The following MTO1 variants were observed in gnomAD, a reference collection of about 807,000 sequenced individuals.
MTO1 encodes the protein mitochondrial tRNA translation optimization 1.
In MTO1, 46 loss-of-function variants were observed where a neutral mutation model predicts 71.6. The ratio of observed to expected loss-of-function variants is 0.64; its 90% CI spans 0.51 to 0.82. MTO1 has a LOEUF of 0.82. Ranked by LOEUF, MTO1 falls within the 40% of genes least tolerant of loss-of-function variation. The pLI is 0.00. For synonymous variants in MTO1, 297 were observed against 312.1 expected, an observed-to-expected ratio of 0.95 and a Z score of 0.51; for missense variants, 773 against 867.5, an observed-to-expected ratio of 0.89 and a Z score of 1.37.
Position 73,480,054 on chromosome 6 carries a change from C to T in MTO1, c.1057C>T (p.Leu353=). The T allele has an allele frequency of 1.2e-6, 2 of 1,614,156 alleles. No homozygotes were observed. Among genetic ancestry groups the T allele is most frequent in the Non-Finnish European group, 1.7e-6 (2 of 1,180,024 alleles). Residue 353 remains leucine (L), a synonymous_variant, in exon 6 of 12, where the codon CTA becomes TTA. Coordinates refer to ENST00000498286, the MANE Select transcript of MTO1 (RefSeq NM_012123.4). ...CTACCCACAGGGGTTATCTATGACG[C>T]TACCAGCTGAGTTACAAGAGAAAAT... The part of the protein sequence containing the change: ...LIYPQGLSMT[L]PAELQEKMIT...
At position 73,482,125 on chromosome 6, in the gene MTO1, T is replaced by C. The variant is rs1357893209; in HGVS notation, c.1346T>C (p.Val449Ala). Residue 449 changes from valine to alanine, a missense_variant, in exon 8 of 12, where the codon GTC becomes GCC. By Grantham distance (64) the Val-to-Ala change is moderately conservative. Transcript: ENST00000498286. ...VVSRTEGYIG[V>A]LIDDLTTLGT... The stretch of plus-strand genomic sequence containing the variant: ...AGCCGAACAGAAGGTTACATAGGAG[T>C]CTTGATTGATGACCTCACTACTCTG... 1.2e-6 allele frequency: 2 copies of C among 1,613,718 alleles called. No individual in the cohort carries two copies. Among genetic ancestry groups the C allele is most frequent in the African/African-American group, 2.7e-5 (2 of 74,804 alleles).
chr6:73,480,553 AG>A, intron 6 of MTO1, 121 bp from the exon 7 acceptor site: 1 of 1,261,722 alleles, frequency 7.9e-7, no homozygotes, highest in Non-Finnish European at 1.1e-6. Context: ...TACAGGTGTG[AG>A]CCACTGCTCC....
intron 3 of MTO1, 112 bp downstream of exon 3, chr6:73,466,718 T>C: frequency 1.1e-6 from 1 of 883,638 alleles, no homozygotes. Flanking sequence ...ACTTGTTGCA[T>C]TTTCTCTACC....
chr6:73,492,584 C>T, intron 10 of MTO1: 1 of 363,790 alleles, frequency 2.7e-6, no homozygotes, highest in East Asian at 5.3e-5. Context: ...CTGAGGTGGG[C>T]TGATTTCTTG....
At chr6:73,476,222 A>C (rs2350872) in intron 4 of MTO1, among the ~76,000 whole-genome samples, 2,444 of 151,328 alleles carry the variant, frequency 0.016, 59 homozygotes, top group African/African-American at 0.05. Context: ...AAAAATAAAA[A>C]AATTAGCCAG....
chr6:73,469,890 A>C (rs141451770), intron 3 of MTO1, among the ~76,000 whole-genome samples: 2,468 of 152,060 alleles, frequency 0.016, 62 homozygotes, highest in African/African-American at 0.05. Flanking sequence ...CTGTAATCCT[A>C]GCCACTCGGG....
At chr6:73,497,984 T>A in intron 11 of MTO1, 88 bp downstream of exon 11, 1 of 1,133,252 alleles carries the variant, frequency 8.8e-7, no homozygotes, top group Non-Finnish European at 1.2e-6. Flanking sequence ...AATGGCCATA[T>A]AACTAATGTT....
At chr6:73,473,906 C>A (rs2150031834) in intron 4 of MTO1, among the ~76,000 whole-genome samples, 1 of 151,690 alleles carries the variant, frequency 6.6e-6, no homozygotes, top group South Asian at 2.1e-4. Context: ...CCCACCTCAA[C>A]CCCCTTGAGT....
chr6:73,480,949 T>C (rs1016763838), intron 7 of MTO1, 144 bp downstream of exon 7: 1 of 774,266 alleles, frequency 1.3e-6, no homozygotes, highest in African/African-American at 1.8e-5. Flanking sequence ...TGTTTGGAGA[T>C]GGCTTTTGTA....
intron 4 of MTO1, 113 bp downstream of exon 4, chr6:73,473,767 C>T: frequency 4.0e-6 from 3 of 753,250 alleles, no homozygotes; most frequent in Non-Finnish European, 4.0e-6. Flanking sequence ...AGCACTATTG[C>T]TTATAGTGCA....
intron 3 of MTO1, among the ~76,000 whole-genome samples, chr6:73,469,912 G>A (rs1771100877): frequency 6.6e-6 from 1 of 151,410 alleles, no homozygotes; most frequent in African/African-American, 2.4e-5. Flanking sequence ...GGCTGAGGCA[G>A]GAGAACCACT....
intron 1 of MTO1, 82 bp downstream of exon 1, chr6:73,462,153 C>T (rs773877806): frequency 1.4e-6 from 2 of 1,427,208 alleles, no homozygotes; most frequent in Admixed American, 1.8e-5. Context: ...AGCGGGGGAC[C>T]TCTTCCTTTC....
chr6:73,469,776 T>C (rs889869465), intron 3 of MTO1, among the ~76,000 whole-genome samples: 5 of 152,042 alleles, frequency 3.3e-5, no homozygotes, highest in Non-Finnish European at 7.4e-5. Context: ...GAGGCCGAGG[T>C]GGGTGGATCA....
At chr6:73,468,051 C>G (rs1771050403) in intron 3 of MTO1, among the ~76,000 whole-genome samples, 1 of 151,804 alleles carries the variant, frequency 6.6e-6, no homozygotes, top group Non-Finnish European at 1.5e-5. Context: ...GTTCTCCTGA[C>G]CTTGTGATCC....
At chr6:73,479,029 C>A (rs542473662) in intron 4 of MTO1, among the ~76,000 whole-genome samples, 1 of 151,262 alleles carries the variant, frequency 6.6e-6, no homozygotes, top group East Asian at 2.0e-4. Flanking sequence ...GCTGGGATTA[C>A]AGGCACCCGC....
Position 73,501,466 on chromosome 6 carries a change from A to G in MTO1, c.*731A>G, listed in dbSNP as rs1050186282. 2 of 152,170 alleles carry G rather than the reference A, an allele frequency of 1.3e-5. No individual in the cohort carries two copies. The highest frequency in any genetic ancestry group is 2.9e-5 in the Non-Finnish European group (2 of 68,026). The allele number at this position is 152,170 out of a possible 1,614,324, so 9.4% of individuals were successfully genotyped here. ...AAAAATATTTTCTTAAGAAATTGTC[A>G]TGGCCATCATTTCTTAATAATGAAG... On this transcript the variant is annotated 3_prime_UTR_variant, in exon 12 of 12. Coordinates refer to ENST00000498286, the MANE Select transcript of MTO1 (RefSeq NM_012123.4).
At chr6:73,479,706 T>C in intron 4 of MTO1, 26 bp from the exon 5 acceptor site, 5 of 1,538,412 alleles carry the variant, frequency 3.3e-6, no homozygotes, top group Non-Finnish European at 4.5e-6. Flanking sequence ...AGCAAATCAG[T>C]ATTGCATCTG....
intron 6 of MTO1, chr6:73,480,452 T>G (rs527292271): frequency 1.7e-6 from 1 of 591,970 alleles, no homozygotes; most frequent in South Asian, 1.8e-5. Flanking sequence ...GTATTTTTAG[T>G]AGAGACAGGG....
Position 73,470,714 on chromosome 6 carries a change from A to G in MTO1, c.536-2651A>G, listed in dbSNP as rs188855158. Among the ~76,000 whole-genome samples, 729 of 152,160 alleles carry G rather than the reference A, an allele frequency of 4.8e-3. 6 individuals are homozygous for G. The highest frequency in any genetic ancestry group is 7.4e-3 in the Non-Finnish European group (501 of 67,976). ...CACACCTATAATCCCAGCACTTTGG[A>G]AGGCCGAGGCAGGTGGATCACCTGA... On this transcript the variant is annotated intron_variant, in intron 3 of 11. Coordinates refer to ENST00000498286, the MANE Select transcript of MTO1 (RefSeq NM_012123.4).
Sources: gnomAD v4.1 joint callset for allele counts (sites outside exome capture counted in the v4.1 genomes callset) on GRCh38, gnomAD v4.1.1 for gene constraint, MANE v1.5 for transcripts, NCBI Gene and HGNC (gene_info 2026-07-23, HGNC 2026-07-21) for gene names.